CERK: variants seen among roughly 807,000 people sequenced by gnomAD.
CERK encodes acylsphingosine kinase.
In CERK, 39 loss-of-function variants were observed where a neutral mutation model predicts 63.4. That is an observed-to-expected ratio of 0.61 (90% CI 0.48 to 0.80). CERK has a LOEUF of 0.80. CERK is among the 30% of genes least tolerant of loss of function. CERK has a pLI of 0.00. For missense variants in CERK, 670 were observed against 714.1 expected, an observed-to-expected ratio of 0.94 and a Z score of 0.70; for synonymous variants, 302 against 280.0, an observed-to-expected ratio of 1.08 and a Z score of -0.78.
At chr22:46,735,917 C>G (rs1382140472) in intron 1 of CERK, among the ~76,000 whole-genome samples, 2 of 152,248 alleles carry the variant, frequency 1.3e-5, no homozygotes, top group Non-Finnish European at 2.9e-5. Context: ...TTCCTGAACT[C>G]ATTCACAACT....
chr22:46,697,673 T>C (rs1368905205), intron 8 of CERK, among the ~76,000 whole-genome samples: 1 of 152,064 alleles, frequency 6.6e-6, no homozygotes, highest in East Asian at 1.9e-4. Flanking sequence ...GCCTGACTTA[T>C]TTTGTATTTT....
At chr22:46,732,809 C>T (rs376317251) in intron 1 of CERK, among the ~76,000 whole-genome samples, 7 of 152,196 alleles carry the variant, frequency 4.6e-5, no homozygotes, top group South Asian at 2.1e-4. Flanking sequence ...CATCCACTTC[C>T]GAATGTTTTC....
chr22:46,702,859 C>A (rs987890782), intron 6 of CERK, among the ~76,000 whole-genome samples: 1 of 152,234 alleles, frequency 6.6e-6, no homozygotes, highest in Non-Finnish European at 1.5e-5. Flanking sequence ...AATGACCACC[C>A]ATACCTGTGG....
Position 46,707,834 on chromosome 22 carries a change from G to A in CERK, c.715+9C>T. The A allele has an allele frequency of 6.2e-7, 1 of 1,600,556 alleles. No individual in the cohort carries two copies. The highest frequency in any genetic ancestry group is 8.5e-7 in the Non-Finnish European group (1 of 1,170,660). On this transcript the variant is annotated intron_variant, in intron 6 of 12. Coordinates refer to ENST00000216264, the MANE Select transcript of CERK (RefSeq NM_022766.6). Reference sequence around the variant, plus strand: ...GAAGAGAACAGAGAATGCCAGGCCGGCTCCATACCTGCGGGAATGATTCCA... The same window carrying A: ...GAAGAGAACAGAGAATGCCAGGCCGACTCCATACCTGCGGGAATGATTCCA...
chr22:46,709,607 G>A (rs1049833341), intron 5 of CERK, among the ~76,000 whole-genome samples: 8 of 152,170 alleles, frequency 5.3e-5, no homozygotes, highest in Non-Finnish European at 1.5e-5. Context: ...CCTCAATAAT[G>A]TTTGTGGAAT....
At chr22:46,707,811 A>G (rs766408196) in intron 6 of CERK, 32 bp downstream of exon 6, 3 of 1,582,822 alleles carry the variant, frequency 1.9e-6, no homozygotes, top group Non-Finnish European at 2.6e-6. Context: ...ACGGGAACGA[A>G]GAGAACAGAG....
At chr22:46,728,324 T>C (rs1423569781) in intron 1 of CERK, among the ~76,000 whole-genome samples, 4 of 152,236 alleles carry the variant, frequency 2.6e-5, no homozygotes, top group South Asian at 2.1e-4. Flanking sequence ...AACCCCGCTC[T>C]TCCCCCCGTG....
chr22:46,720,116 G>A lies in CERK; in HGVS notation c.349C>T (p.Gln117Ter). 6.2e-7 allele frequency: 1 copy of A among 1,614,004 alleles called. No individual in the cohort carries two copies. Among genetic ancestry groups the A allele is most frequent in the South Asian group, 1.1e-5 (1 of 91,084 alleles). The change falls in exon 3 of 13, where the codon CAG becomes TAG. Residue 117 changes from glutamine (Q) to a stop codon, truncating the protein, a stop_gained. Transcript: ENST00000216264. LOFTEE classifies it high-confidence loss of function. ...PEEQLCHLWL[Q>*]TLREMLEKLT... The stretch of plus-strand genomic sequence containing the variant: ...TTCTCCAGCATCTCCCGCAGGGTCT[G>A]CAGCCACAAGTGACACAGCTGCTCC...
intron 11 of CERK, 102 bp from the exon 12 acceptor site, chr22:46,690,302 G>A: frequency 6.1e-6 from 5 of 818,880 alleles, no homozygotes; most frequent in South Asian, 3.3e-5. Context: ...TCAGGCCTGG[G>A]TGCACACACG....
At chr22:46,695,692 G>A (rs2082752653) in intron 8 of CERK, among the ~76,000 whole-genome samples, 1 of 152,230 alleles carries the variant, frequency 6.6e-6, no homozygotes, top group Non-Finnish European at 1.5e-5. Context: ...CTTCATGAGG[G>A]TCAGTGATGC....
At chr22:46,699,652 C>T (rs1433486210) in intron 7 of CERK, among the ~76,000 whole-genome samples, 187 bp from the exon 8 acceptor site, 2 of 152,238 alleles carry the variant, frequency 1.3e-5, no homozygotes, top group East Asian at 3.8e-4. Context: ...ATTCAAATGA[C>T]TGAACTCCAC....
chr22:46,689,900 A>T, intron 12 of CERK, 92 bp downstream of exon 12: 1 of 882,936 alleles, frequency 1.1e-6, no homozygotes. Context: ...ATAAAGCCCC[A>T]GGGAACCCCC....
chr22:46,722,329 AC>A (rs1423737179), intron 1 of CERK, among the ~76,000 whole-genome samples: 1 of 152,128 alleles, frequency 6.6e-6, no homozygotes, highest in Non-Finnish European at 1.5e-5. Flanking sequence ...CACTGTAGAA[AC>A]CTTTGAAAGG....
intron 1 of CERK, among the ~76,000 whole-genome samples, chr22:46,737,805 A>AGCACAGCC (rs2082982630): frequency 6.6e-6 from 1 of 151,884 alleles, no homozygotes; most frequent in Non-Finnish European, 1.5e-5. Context: ...GGGTTCCCGG[A>AGCACAGCC]GCAGACGGCG....
intron 1 of CERK, among the ~76,000 whole-genome samples, chr22:46,731,200 G>A (rs1327165028): frequency 1.3e-5 from 2 of 152,260 alleles, no homozygotes; most frequent in Non-Finnish European, 2.9e-5. Flanking sequence ...CTGCACTGGC[G>A]AGGTGCCCCT....
At chr22:46,704,401 G>A (rs2082803262) in intron 6 of CERK, among the ~76,000 whole-genome samples, 1 of 152,202 alleles carries the variant, frequency 6.6e-6, no homozygotes, top group African/African-American at 2.4e-5. Flanking sequence ...TGAGAATGCA[G>A]AAAAACAGAA....
intron 4 of CERK, among the ~76,000 whole-genome samples, chr22:46,711,430 C>G (rs536804276): frequency 1.3e-5 from 2 of 152,238 alleles, no homozygotes; most frequent in South Asian, 4.1e-4. Context: ...AAAGAGATTA[C>G]GTCTCTTTTA....
rs765563017 is a variant in CERK, at chr22:46,712,172, G to T, written c.501C>A (p.Ile167=). The T allele has an allele frequency of 5.0e-6, 8 of 1,613,906 alleles. No individual in the cohort carries two copies. The African/African-American group carries it at 5.3e-5, about 11-fold the overall frequency. Residue 167 remains isoleucine, a synonymous_variant, in exon 4 of 13, where the codon ATC becomes ATA. Coordinates refer to ENST00000216264, the MANE Select transcript of CERK (RefSeq NM_022766.6). ...AGTTAACATAGAATTTGTTACCGAT[G>T]ATGTCAGTGGTGATGGAGGCTAAGG... ...LFTLASITTD[I]IVTEHANQAK...
chr22:46,689,310 A>G (rs931277555), intron 12 of CERK, among the ~76,000 whole-genome samples: 2 of 152,254 alleles, frequency 1.3e-5, no homozygotes, highest in African/African-American at 4.8e-5. Context: ...CCTTGAGGCC[A>G]GCGGTTCCCT....
Sources: allele counts gnomAD v4.1 joint callset (sites outside exome capture counted in the v4.1 genomes callset), GRCh38; gene constraint gnomAD v4.1.1; transcripts MANE v1.5; gene names NCBI Gene and HGNC (gene_info 2026-07-23, HGNC 2026-07-21).